The following NRCAM variants were observed in gnomAD, a reference collection of about 807,000 sequenced individuals.
NRCAM encodes NgCAM-related cell adhesion molecule.
A neutral mutation model predicts 156.5 loss-of-function variants in NRCAM; 83 were observed. The observed-to-expected ratio is 0.53, with a 90% confidence interval of 0.44 to 0.64. The LOEUF is 0.64. NRCAM is among the 30% of genes least tolerant of loss of function. The pLI is 0.00. For synonymous variants in NRCAM, 538 were observed against 563.9 expected (o/e 0.95, Z 0.65); for missense variants, 1,417 against 1,597.3 (o/e 0.89, Z 1.92).
intron 28 of NRCAM, among the ~76,000 whole-genome samples, chr7:108,172,149 A>C (rs1289787984): frequency 6.6e-6 from 1 of 152,230 alleles, no homozygotes; most frequent in Non-Finnish European, 1.5e-5. Flanking sequence ...GATTACATGC[A>C]ATGGATATGG....
At chr7:108,361,895 C>T (rs1397890578) in intron 2 of NRCAM, among the ~76,000 whole-genome samples, 1 of 70,486 alleles carries the variant, frequency 1.4e-5, no homozygotes, top group Non-Finnish European at 3.2e-5. Flanking sequence ...TCCTATTGGC[C>T]TTACTTCTCT....
At chr7:108,299,593 C>T (rs1288848332) in intron 3 of NRCAM, among the ~76,000 whole-genome samples, 1 of 152,188 alleles carries the variant, frequency 6.6e-6, no homozygotes, top group Admixed American at 6.5e-5. Flanking sequence ...GCAATGCACA[C>T]AAACATGGAA....
In NRCAM at chr7:108,167,077, T is replaced by A. The variant is rs201218353; in HGVS notation, c.3314-4A>T. ...TCTTTTCTCCATTCTTCTTTGCCTA[T>A]GGAAATTTTGCAAAAACAACACATT... On this transcript the variant is annotated splice_polypyrimidine_tract_variant and splice_region_variant and intron_variant, in intron 29 of 32. Transcript: ENST00000379028. 6.2e-7 allele frequency: 1 copy of A among 1,610,148 alleles called. No individual in the cohort carries two copies. Among genetic ancestry groups the A allele is most frequent in the African/African-American group, 1.3e-5 (1 of 74,780 alleles).
chr7:108,451,991 T>G (rs2214913), intron 1 of NRCAM, among the ~76,000 whole-genome samples: 1 of 152,038 alleles, frequency 6.6e-6, no homozygotes, highest in African/African-American at 2.4e-5. Flanking sequence ...GCAAAAACAT[T>G]TTTTAAATAA....
In NRCAM at chr7:108,198,023, T is replaced by A. The variant is rs1254703434; in HGVS notation, c.1284A>T (p.Ala428=). The A allele has an allele frequency of 1.3e-6, 2 of 1,599,616 alleles. No homozygotes were observed. Among genetic ancestry groups the A allele is most frequent in the Non-Finnish European group, 1.7e-6 (2 of 1,172,680 alleles). ...CATTAGAGGCATTGCACTGATAGAC[T>A]GCACTTGATCTTTCTTGAACATTTG... The part of the protein sequence containing the change: ...IFSNVQERSS[A]VYQCNASNEY... The change falls in exon 14 of 33, where the codon GCA becomes GCT. Residue 428 remains alanine, a synonymous_variant. Coordinates refer to ENST00000379028, the MANE Select transcript of NRCAM (RefSeq NM_001037132.4).
chr7:108,261,097 T>G (rs1359590223), intron 3 of NRCAM, among the ~76,000 whole-genome samples: 1 of 152,104 alleles, frequency 6.6e-6, no homozygotes, highest in African/African-American at 2.4e-5. Flanking sequence ...AAAACAAACT[T>G]AATCCACTTT....
intron 3 of NRCAM, among the ~76,000 whole-genome samples, chr7:108,304,563 T>C (rs1028137705): frequency 6.6e-6 from 1 of 152,190 alleles, no homozygotes; most frequent in African/African-American, 2.4e-5. Context: ...TTAATAAAGA[T>C]GGCCACCAGA....
intron 8 of NRCAM, 149 bp downstream of exon 8, chr7:108,230,882 A>G (rs2094240348): frequency 1.7e-6 from 1 of 593,426 alleles, no homozygotes; most frequent in Admixed American, 3.5e-5. Context: ...GAGTGAGTGA[A>G]TGAGATGACA....
chr7:108,225,749 G>T, intron 9 of NRCAM, 48 bp from the exon 10 acceptor site: 3 of 1,147,770 alleles, frequency 2.6e-6, no homozygotes, highest in Non-Finnish European at 4.0e-6. Flanking sequence ...TGGGGGAGAA[G>T]GGTCAAAAAG....
intron 6 of NRCAM, among the ~76,000 whole-genome samples, chr7:108,234,174 T>G (rs1180277118): frequency 6.6e-6 from 1 of 152,174 alleles, no homozygotes; most frequent in Non-Finnish European, 1.5e-5. Context: ...GCCTGTGCCT[T>G]ATGGCCATTA....
chr7:108,312,937 A>G (rs1456363458), intron 2 of NRCAM, among the ~76,000 whole-genome samples: 2 of 152,192 alleles, frequency 1.3e-5, no homozygotes, highest in African/African-American at 4.8e-5. Context: ...AAGTGACCAG[A>G]ACTCTGGTGG....
intron 2 of NRCAM, among the ~76,000 whole-genome samples, chr7:108,382,217 C>A (rs868325878): frequency 7.3e-6 from 1 of 137,402 alleles, no homozygotes; most frequent in Non-Finnish European, 1.6e-5. Flanking sequence ...TCCAGAGGAA[C>A]AGAGATTTTT....
At chr7:108,158,372 G>A (rs767638171) in intron 32 of NRCAM, among the ~76,000 whole-genome samples, 59 of 152,206 alleles carry the variant, frequency 3.9e-4, no homozygotes, top group Non-Finnish European at 2.6e-4. Context: ...AAAATGATAT[G>A]AAAATGATTT....
intron 3 of NRCAM, among the ~76,000 whole-genome samples, chr7:108,244,818 G>A (rs1425591186): frequency 6.6e-6 from 1 of 152,080 alleles, no homozygotes; most frequent in Non-Finnish European, 1.5e-5. Context: ...ACAATAAACA[G>A]GTGGTTTTTA....
At chr7:108,395,179 A>C (rs2099773393) in intron 2 of NRCAM, among the ~76,000 whole-genome samples, 1 of 152,210 alleles carries the variant, frequency 6.6e-6, no homozygotes, top group South Asian at 2.1e-4. Context: ...CTATTAACTA[A>C]GGCAAAAACA....
chr7:108,268,031 T>C (rs894250500), intron 3 of NRCAM, among the ~76,000 whole-genome samples: 1 of 17,802 alleles, frequency 5.6e-5, no homozygotes, highest in Admixed American at 7.2e-4. Flanking sequence ...CTCATTAATA[T>C]AGCAAATAAG....
chr7:108,172,807 T>C (rs1174676191), intron 28 of NRCAM, among the ~76,000 whole-genome samples: 1 of 152,216 alleles, frequency 6.6e-6, no homozygotes, highest in Admixed American at 6.5e-5. Flanking sequence ...TTCAGGTTTA[T>C]AATCCTTTTG....
chr7:108,437,143 T>C (rs1170686681), intron 1 of NRCAM, among the ~76,000 whole-genome samples: 1 of 152,214 alleles, frequency 6.6e-6, no homozygotes, highest in Non-Finnish European at 1.5e-5. Context: ...AAGGTCATTA[T>C]GTTAAGTGAA....
chr7:108,321,186 G>A (rs575010842), intron 2 of NRCAM, among the ~76,000 whole-genome samples: 1 of 152,272 alleles, frequency 6.6e-6, no homozygotes, highest in East Asian at 1.9e-4. Context: ...AGAATTCAAT[G>A]TATTTAGCCA....
Sources: gnomAD v4.1 joint callset for allele counts (sites outside exome capture counted in the v4.1 genomes callset) on GRCh38, gnomAD v4.1.1 for gene constraint, MANE v1.5 for transcripts, NCBI Gene and HGNC (gene_info 2026-07-23, HGNC 2026-07-21) for gene names.